Variants in DMD observed in about 807,000 individuals in gnomAD.
The protein encoded by DMD is mutant dystrophin.
DMD carries 63 observed loss-of-function variants against 330.1 expected under a neutral mutation model. The ratio of observed to expected loss-of-function variants is 0.19; its 90% CI spans 0.16 to 0.24. The LOEUF is 0.24. DMD is among the 10% of genes least tolerant of loss of function. The pLI, the probability that DMD is intolerant of heterozygous loss-of-function variation, is 1.00. For missense variants in DMD, 3,344 were observed against 2,684.1 expected, an observed-to-expected ratio of 1.25 and a Z score of -5.43; for synonymous variants, 1,223 against 959.8, an observed-to-expected ratio of 1.27 and a Z score of -5.07.
At chrX:32,965,526 G>A (rs1367070768) in intron 2 of DMD, among the ~76,000 whole-genome samples, 1 of 105,305 alleles carries the variant, frequency 9.5e-6, no homozygotes, top group East Asian at 3.1e-4. Flanking sequence ...GGGTGGGGGG[G>A]TTACTTGGGA....
In DMD at chrX:31,947,016, T is replaced by C. The variant is rs142413803; in HGVS notation, c.6615-14789A>G. Among the ~76,000 whole-genome samples the C allele has an allele frequency of 1.4e-3, 155 of 111,780 alleles. 2 individuals carry two copies. The East Asian group carries it at 0.015, about 11-fold the overall frequency. ...ATATAAATTTGTGTCATATATATAG[T>C]AAATTTGCATCATACCAATATCAGG... On this transcript the variant is annotated intron_variant, in intron 45 of 78. Coordinates refer to ENST00000357033, the MANE Select transcript of DMD (RefSeq NM_004006.3).
intron 1 of DMD, among the ~76,000 whole-genome samples, chrX:33,224,396 A>G (rs2052246086): frequency 8.9e-6 from 1 of 112,029 alleles, no homozygotes; most frequent in Non-Finnish European, 1.9e-5. Context: ...CTAAAAAGAA[A>G]TGAGCTATCA....
intron 2 of DMD, among the ~76,000 whole-genome samples, chrX:32,936,840 A>G (rs2090056736): frequency 8.9e-6 from 1 of 112,180 alleles, no homozygotes; most frequent in Non-Finnish European, 1.9e-5. Flanking sequence ...GGGAATCATT[A>G]CAGGTGCTTG....
At chrX:31,884,256 A>G (rs1022253547) in intron 47 of DMD, among the ~76,000 whole-genome samples, 1 of 111,946 alleles carries the variant, frequency 8.9e-6, no homozygotes, top group Admixed American at 9.5e-5. Flanking sequence ...AATGTCCATC[A>G]ATAAATGAAC....
At chrX:32,483,510 G>A (rs2042122442) in intron 21 of DMD, among the ~76,000 whole-genome samples, 1 of 108,756 alleles carries the variant, frequency 9.2e-6, no homozygotes. Context: ...ACTTTAATAT[G>A]ATTAAGAGGT....
At chrX:32,430,668 G>A (rs1226925621) in intron 29 of DMD, among the ~76,000 whole-genome samples, 2 of 111,506 alleles carry the variant, frequency 1.8e-5, no homozygotes, top group Non-Finnish European at 3.8e-5. Context: ...TATCTATATT[G>A]TATAACCTAA....
chrX:32,076,541 G>A (rs958960204), intron 44 of DMD, among the ~76,000 whole-genome samples: 18 of 108,874 alleles, frequency 1.7e-4, no homozygotes, highest in Non-Finnish European at 3.1e-4. Context: ...CAGCACGCCC[G>A]GCTAATTTTT....
At chrX:31,305,195 A>G (rs1300553160) in intron 62 of DMD, among the ~76,000 whole-genome samples, 1 of 111,848 alleles carries the variant, frequency 8.9e-6, no homozygotes, top group African/African-American at 3.2e-5. Context: ...CTTGGTATAT[A>G]TTGTAGAAAG....
At chrX:32,056,390 TAAAA>T (rs34726053) in intron 44 of DMD, among the ~76,000 whole-genome samples, 90 of 47,533 alleles carry the variant, frequency 1.9e-3, no homozygotes, top group Non-Finnish European at 2.3e-3. Flanking sequence ...GTAGATTAAG[TAAAA>T]AAAAAAAAAA....
intron 51 of DMD, among the ~76,000 whole-genome samples, chrX:31,758,766 A>G (rs2089335757): frequency 8.9e-6 from 1 of 112,045 alleles, no homozygotes; most frequent in Non-Finnish European, 1.9e-5. Context: ...TCTAAAATTC[A>G]TATTTGTTTT....
Position 31,814,408 on chromosome X carries a change from G to A in DMD, c.7309+5567C>T, listed in dbSNP as rs752891734. ...TGAGGCAGGAGAATGGCGTGAACCCGGGAGGCGGAGCTTGCAGTGAGCCGA... is the reference window on the plus strand; with the variant it reads ...TGAGGCAGGAGAATGGCGTGAACCCAGGAGGCGGAGCTTGCAGTGAGCCGA... On this transcript the variant is annotated intron_variant, in intron 50 of 78. Coordinates refer to ENST00000357033, the MANE Select transcript of DMD (RefSeq NM_004006.3). 2.6e-4 allele frequency among the ~76,000 whole-genome samples: 25 copies of A among 94,656 alleles called. 2 individuals carry two copies. The highest frequency in any genetic ancestry group is 6.4e-4 in the African/African-American group (16 of 24,866). 82.2% of individuals were successfully genotyped at this position (94,656 alleles called of 115,157 possible).
chrX:32,143,830 G>A (rs1232337921), intron 44 of DMD, among the ~76,000 whole-genome samples: 4 of 110,001 alleles, frequency 3.6e-5, no homozygotes, highest in South Asian at 3.9e-4. Flanking sequence ...GATTACAGGC[G>A]TGAGCCACCG....
intron 43 of DMD, among the ~76,000 whole-genome samples, chrX:32,242,994 G>C (rs959157592): frequency 9.4e-6 from 1 of 105,880 alleles, no homozygotes; most frequent in African/African-American, 3.4e-5. Flanking sequence ...AGGAAGGAAG[G>C]AAGAAACAAA....
intron 2 of DMD, among the ~76,000 whole-genome samples, chrX:32,926,271 T>C (rs1324576066): frequency 9.0e-6 from 1 of 110,918 alleles, no homozygotes; most frequent in Non-Finnish European, 1.9e-5. Flanking sequence ...AAGTAGAGAG[T>C]AGAATAGTGG....
intron 18 of DMD, chrX:32,517,628 T>G: frequency 4.9e-6 from 1 of 203,941 alleles, no homozygotes; most frequent in Non-Finnish European, 8.9e-6. Context: ...ATCTATTATA[T>G]TATTCTATTC....
chrX:32,155,466 G>C, intron 44 of DMD: 1 of 752,096 alleles, frequency 1.3e-6, no homozygotes, highest in African/African-American at 2.3e-5. Context: ...GCCATTGCTA[G>C]TGTGAAGAGA....
At chrX:33,043,436 T>G (rs2094332740) in intron 1 of DMD, among the ~76,000 whole-genome samples, 1 of 111,440 alleles carries the variant, frequency 9.0e-6, no homozygotes, top group Admixed American at 9.6e-5. Context: ...AAGTGCTCAG[T>G]ATTTCCAGCC....
chrX:32,597,939 C>T (rs1353577233), intron 12 of DMD, among the ~76,000 whole-genome samples: 3 of 112,167 alleles, frequency 2.7e-5, no homozygotes, highest in South Asian at 3.7e-4. Flanking sequence ...GGACATTTCC[C>T]GTTACTTTCT....
chrX:32,484,408 G>GA (rs777915032), intron 21 of DMD, among the ~76,000 whole-genome samples: 1 of 111,954 alleles, frequency 8.9e-6, no homozygotes, highest in Non-Finnish European at 1.9e-5. Flanking sequence ...ATCATCAAAG[G>GA]AAAAAATAGG....
Sources: gnomAD v4.1 joint callset for allele counts (sites outside exome capture counted in the v4.1 genomes callset) on GRCh38, gnomAD v4.1.1 for gene constraint, MANE v1.5 for transcripts, NCBI Gene and HGNC (gene_info 2026-07-23, HGNC 2026-07-21) for gene names.